TPD52L1: variants seen among roughly 807,000 people sequenced by gnomAD.
TPD52L1 encodes TPD52 like 1, also known as tumor protein D53.
Under a neutral mutation model 28.7 loss-of-function variants are expected in TPD52L1, and 18 were observed. That is an observed-to-expected ratio of 0.63 (90% CI 0.43 to 0.93). The LOEUF (loss-of-function observed/expected upper bound fraction) is 0.93, where lower values mean the gene tolerates loss of function less well. TPD52L1 is among the 40% of genes least tolerant of loss of function. The pLI is 0.00. For missense variants in TPD52L1, 203 were observed against 254.8 expected (o/e 0.80, Z 1.39); for synonymous variants, 75 against 88.8 (o/e 0.84, Z 0.88).
chr6:125,182,657 T>C (rs1792282260), intron 1 of TPD52L1, among the ~76,000 whole-genome samples: 1 of 152,212 alleles, frequency 6.6e-6, no homozygotes, highest in Admixed American at 6.5e-5. Context: ...TGAGAGCACT[T>C]GATTAGCTGT....
intron 2 of TPD52L1, among the ~76,000 whole-genome samples, chr6:125,227,592 G>A (rs550456777): frequency 3.2e-4 from 48 of 152,260 alleles, no homozygotes; most frequent in Admixed American, 1.0e-3. Flanking sequence ...CATGCATGTG[G>A]GATACTAAGG....
intron 1 of TPD52L1, among the ~76,000 whole-genome samples, chr6:125,161,100 G>A (rs1489364297): frequency 6.6e-6 from 1 of 152,140 alleles, no homozygotes; most frequent in Non-Finnish European, 1.5e-5. Flanking sequence ...TGATCCACCT[G>A]CCTCAGCCTC....
At chr6:125,251,775 G>A (rs1046533570) in intron 4 of TPD52L1, among the ~76,000 whole-genome samples, 1 of 152,212 alleles carries the variant, frequency 6.6e-6, no homozygotes, top group African/African-American at 2.4e-5. Context: ...TTTGGAGAAG[G>A]CATGTCATTT....
intron 1 of TPD52L1, among the ~76,000 whole-genome samples, chr6:125,195,618 C>A (rs967613803): frequency 2.6e-5 from 4 of 152,168 alleles, no homozygotes; most frequent in African/African-American, 9.7e-5. Context: ...GCATTGTTGT[C>A]TTGGTCCAGT....
At chr6:125,175,130 G>A (rs1028971951) in intron 1 of TPD52L1, among the ~76,000 whole-genome samples, 1 of 151,954 alleles carries the variant, frequency 6.6e-6, no homozygotes, top group African/African-American at 2.4e-5. Flanking sequence ...CTCCTAGCTA[G>A]CATTTAAGCT....
intron 4 of TPD52L1, chr6:125,252,661 A>C (rs1237117433): frequency 6.6e-6 from 1 of 152,180 alleles, no homozygotes; most frequent in African/African-American, 2.4e-5. Flanking sequence ...AGCGGTCTAT[A>C]TTTACAGAGA....
intron 1 of TPD52L1, among the ~76,000 whole-genome samples, chr6:125,173,672 A>G (rs1791642254): frequency 6.6e-6 from 1 of 152,230 alleles, no homozygotes; most frequent in Non-Finnish European, 1.5e-5. Context: ...GCGTACATAC[A>G]TATATACAAA....
At chr6:125,249,871 T>C (rs1001183527) in intron 4 of TPD52L1, among the ~76,000 whole-genome samples, 4 of 152,098 alleles carry the variant, frequency 2.6e-5, no homozygotes, top group Non-Finnish European at 4.4e-5. Context: ...CACAAGGACA[T>C]GTGCATGAAT....
rs1159358859 is a variant in TPD52L1, at chr6:125,262,953, G to A, written c.606G>A (p.Leu202=). 4 of 1,613,396 alleles carry A rather than the reference G, an allele frequency of 2.5e-6. No homozygotes were observed. Among genetic ancestry groups the A allele is most frequent in the African/African-American group, 2.7e-5 (2 of 74,924 alleles). Residue 202 remains leucine, a synonymous_variant, in exon 7 of 7, where the codon CTG becomes CTA. Transcript: ENST00000534000. The part of the protein sequence containing the change: ...GGSRRTKEEE[L]QC ...CCCGGCGGACCAAGGAGGAGGAGCT[G>A]CAGTGCTAAGTCCAGCCAGCGTGCA...
At chr6:125,205,072 AAG>A (rs1248541802) in intron 1 of TPD52L1, among the ~76,000 whole-genome samples, 5 of 152,218 alleles carry the variant, frequency 3.3e-5, no homozygotes, top group Non-Finnish European at 7.3e-5. Flanking sequence ...TGAGGAAGGA[AAG>A]AGAGCACAGA....
intron 1 of TPD52L1, among the ~76,000 whole-genome samples, chr6:125,217,003 C>T (rs1207015264): frequency 6.6e-6 from 1 of 152,050 alleles, no homozygotes; most frequent in Non-Finnish European, 1.5e-5. Context: ...TTTCTTTTTA[C>T]TTTAGACAAA....
chr6:125,161,153 T>TGG (rs1790502596), intron 1 of TPD52L1, among the ~76,000 whole-genome samples: 1 of 152,154 alleles, frequency 6.6e-6, no homozygotes, highest in Non-Finnish European at 1.5e-5. Flanking sequence ...ATGCCAGGCC[T>TGG]GAGATGACTT....
intron 6 of TPD52L1, among the ~76,000 whole-genome samples, chr6:125,257,469 A>G (rs1489724321): frequency 3.3e-5 from 5 of 152,200 alleles, no homozygotes; most frequent in African/African-American, 1.2e-4. Context: ...GATAGGATAA[A>G]GGCTATATGA....
Position 125,241,643 on chromosome 6 carries a change from T to A in TPD52L1, c.285-6639T>A, listed in dbSNP as rs189427391. 2.2e-4 allele frequency among the ~76,000 whole-genome samples: 33 copies of A among 152,262 alleles called. No individual in the cohort carries two copies. The East Asian group carries it at 5.8e-3, about 27-fold the overall frequency. On this transcript the variant is annotated intron_variant, in intron 3 of 6. Coordinates refer to ENST00000534000, the MANE Select transcript of TPD52L1 (RefSeq NM_003287.4). ...TATTTGTAGTAGCCTTGAATGTTTG[T>A]ATTTCTGTGGTATCAGTTGTGATAT...
At position 125,248,267 on chromosome 6, in the gene TPD52L1, CTGTTT is replaced by C; in HGVS notation, c.285-13_285-9del. The C allele has an allele frequency of 6.2e-7, 1 of 1,601,968 alleles. No individual in the cohort carries two copies. Among genetic ancestry groups the C allele is most frequent in the Non-Finnish European group, 8.6e-7 (1 of 1,169,354 alleles). On this transcript the variant is annotated splice_polypyrimidine_tract_variant and intron_variant, in intron 3 of 6. Coordinates refer to ENST00000534000, the MANE Select transcript of TPD52L1 (RefSeq NM_003287.4). ...ATCATGATATAAAAACCATGTTGTTCTGTTTTATTTCTAGCTACAAGAAAACACAT... is the reference window on the plus strand; with the variant it reads ...ATCATGATATAAAAACCATGTTGTTCTATTTCTAGCTACAAGAAAACACAT...
In TPD52L1 at chr6:125,254,094, T is replaced by C. The variant is rs181983834; in HGVS notation, c.425+339T>C. Among the ~76,000 whole-genome samples, 159 of 152,370 alleles carry C rather than the reference T, an allele frequency of 1.0e-3. 1 individual carries two copies. Among genetic ancestry groups the C allele is most frequent in the African/African-American group, 3.8e-3 (157 of 41,592 alleles). ...AAGCATTTAGCACAGTGTCTGAACA[T>C]GCCAAGCAATCTTGCAAAGGTAAAC... On this transcript the variant is annotated intron_variant, in intron 5 of 6. Coordinates refer to ENST00000534000, the MANE Select transcript of TPD52L1 (RefSeq NM_003287.4).
chr6:125,254,409 C>T (rs1436465325), intron 5 of TPD52L1, among the ~76,000 whole-genome samples: 1 of 152,132 alleles, frequency 6.6e-6, no homozygotes, highest in African/African-American at 2.4e-5. Flanking sequence ...TCTAGCCCAG[C>T]TCTGCCAAGG....
chr6:125,213,413 C>T (rs938257530), intron 1 of TPD52L1, among the ~76,000 whole-genome samples: 1 of 151,944 alleles, frequency 6.6e-6, no homozygotes. Context: ...CATGATGTCC[C>T]CTGGTGCTGA....
At chr6:125,213,219 A>C (rs868008948) in intron 1 of TPD52L1, among the ~76,000 whole-genome samples, 5 of 152,264 alleles carry the variant, frequency 3.3e-5, no homozygotes, top group Middle Eastern at 6.8e-3. Context: ...TTATTTTAAA[A>C]ACCTCTTTAA....
Sources: gnomAD v4.1 joint callset for allele counts (sites outside exome capture counted in the v4.1 genomes callset) on GRCh38, gnomAD v4.1.1 for gene constraint, MANE v1.5 for transcripts, NCBI Gene and HGNC (gene_info 2026-07-23, HGNC 2026-07-21) for gene names.